The following THSD7B variants were observed in gnomAD, a reference collection of about 807,000 sequenced individuals.
THSD7B encodes the protein thrombospondin type-1 domain-containing protein 7B.
Under a neutral mutation model 213.6 loss-of-function variants are expected in THSD7B, and 138 were observed. That is an observed-to-expected ratio of 0.65 (90% confidence interval 0.56 to 0.74). The LOEUF is 0.74. Among genes scored for constraint, THSD7B ranks in the 30% least tolerant of loss-of-function variants. THSD7B has a pLI of 0.00. For synonymous variants in THSD7B, 742 were observed against 687.0 expected (o/e 1.08, Z -1.25); for missense variants, 1,931 against 1,991.5 (o/e 0.97, Z 0.58).
chr2:137,663,554 T>G lies in THSD7B; in HGVS notation c.4630T>G (p.Ser1544Ala), dbSNP rs756086069. ...SKIHDIFKGW[S>A]LQPLDPDGRV... is the part of the protein sequence containing the mutation. ...AATACATGATATTTTTAAAGGATGG[T>G]CTCTTCAACCACTTGATCCAGGTGA... Residue 1544 changes from serine to alanine, a missense_variant, in exon 26 of 28, where the codon TCT becomes GCT. By Grantham distance (99) the Ser-to-Ala change is moderately conservative. Coordinates refer to ENST00000409968, the MANE Select transcript of THSD7B (RefSeq NM_001316349.2). 14 of 1,608,002 alleles carry G rather than the reference T, an allele frequency of 8.7e-6. No homozygotes were observed. Among genetic ancestry groups the G allele is most frequent in the Non-Finnish European group, 1.0e-5 (12 of 1,176,960 alleles).
intron 12 of THSD7B, among the ~76,000 whole-genome samples, chr2:137,301,960 C>T (rs1289576862): frequency 6.6e-6 from 1 of 152,022 alleles, no homozygotes; most frequent in Non-Finnish European, 1.5e-5. Context: ...AGAGACTATA[C>T]TTGAAAAGAC....
intron 3 of THSD7B, among the ~76,000 whole-genome samples, chr2:137,088,257 A>T (rs963483481): frequency 6.6e-6 from 1 of 151,958 alleles, no homozygotes; most frequent in Admixed American, 6.6e-5. Flanking sequence ...TAAAAAAAAA[A>T]TAAAATTAAA....
intron 5 of THSD7B, among the ~76,000 whole-genome samples, chr2:137,148,897 A>C (rs2104972357): frequency 6.6e-6 from 1 of 152,346 alleles, no homozygotes; most frequent in East Asian, 1.9e-4. Context: ...GGCTGCAGAA[A>C]TTTGCATAAA....
chr2:137,673,206 T>C (rs1683617142), intron 27 of THSD7B, among the ~76,000 whole-genome samples: 2 of 152,242 alleles, frequency 1.3e-5, no homozygotes, highest in African/African-American at 4.8e-5. Flanking sequence ...AGCTCACTTT[T>C]CTGGCTTAAT....
chr2:137,436,625 T>C (rs1157725221), intron 14 of THSD7B, among the ~76,000 whole-genome samples: 1 of 152,132 alleles, frequency 6.6e-6, no homozygotes, highest in Admixed American at 6.5e-5. Context: ...TTCTTGGCCA[T>C]TCAACTGATA....
intron 2 of THSD7B, among the ~76,000 whole-genome samples, chr2:136,971,639 T>TACACACACACACAC (rs6146927): frequency 0.024 from 3,298 of 135,280 alleles, 92 homozygotes; most frequent in South Asian, 0.041. Flanking sequence ...CAACAACAAA[T>TACACACACACACAC]ACACACACAC....
chr2:137,456,171 C>T (rs897721105), intron 15 of THSD7B, among the ~76,000 whole-genome samples: 1 of 151,890 alleles, frequency 6.6e-6, no homozygotes, highest in Non-Finnish European at 1.5e-5. Context: ...GTGTCTTCTC[C>T]CCAAAGAGAG....
chr2:137,588,805 G>A (rs769979213), intron 17 of THSD7B, among the ~76,000 whole-genome samples: 13 of 144,872 alleles, frequency 9.0e-5, no homozygotes, highest in Non-Finnish European at 1.7e-4. Context: ...TATTTTTCGA[G>A]ATGGAGTTTT....
At chr2:136,816,477 G>A (rs74409225) in intron 1 of THSD7B, among the ~76,000 whole-genome samples, 5,131 of 152,148 alleles carry the variant, frequency 0.034, 279 homozygotes, top group African/African-American at 0.11. Flanking sequence ...AGCTGCATAG[G>A]GTTCCATTGC....
intron 1 of THSD7B, among the ~76,000 whole-genome samples, chr2:136,838,631 C>T (rs988802195): frequency 6.6e-6 from 1 of 152,136 alleles, no homozygotes; most frequent in African/African-American, 2.4e-5. Context: ...CTTCCCCATC[C>T]TCCCTTTCAA....
At chr2:137,507,806 C>T (rs1220451020) in intron 15 of THSD7B, among the ~76,000 whole-genome samples, 1 of 150,452 alleles carries the variant, frequency 6.6e-6, no homozygotes, top group Non-Finnish European at 1.5e-5. Flanking sequence ...TTCATTCTTC[C>T]TTTTCTGTTT....
intron 20 of THSD7B, among the ~76,000 whole-genome samples, chr2:137,641,271 A>G (rs1682932566): frequency 6.6e-6 from 1 of 152,024 alleles, no homozygotes; most frequent in South Asian, 2.1e-4. Context: ...GATCCTTTGC[A>G]CCTCACCATC....
At chr2:137,672,304 T>G (rs2104831720) in intron 27 of THSD7B, among the ~76,000 whole-genome samples, 1 of 152,324 alleles carries the variant, frequency 6.6e-6, no homozygotes, top group South Asian at 2.1e-4. Context: ...ATAACTTTTC[T>G]GAGGTCACCA....
chr2:137,290,099 C>A (rs1683289109), intron 12 of THSD7B, among the ~76,000 whole-genome samples: 2 of 150,162 alleles, frequency 1.3e-5, no homozygotes, highest in Admixed American at 1.3e-4. Flanking sequence ...TTTTCAGCCC[C>A]AAAGAGTTTT....
chr2:137,676,586 A>G lies in THSD7B; in HGVS notation c.4802A>G (p.Asp1601Gly). The G allele has an allele frequency of 3.1e-6, 5 of 1,589,422 alleles. No homozygotes were observed. Among genetic ancestry groups the G allele is most frequent in the Admixed American group, 1.8e-5 (1 of 54,918 alleles). Residue 1601 changes from aspartate to glycine, a missense_variant, in exon 28 of 28, where the codon GAT becomes GGT. Transcript: ENST00000409968. The part of the protein sequence containing the change: ...PQQKPLTLAY[D>G]GDLDM ...CAGAAGCCTCTGACCTTAGCCTACG[A>G]TGGAGACTTAGACATGTAATCTGAA...
intron 12 of THSD7B, among the ~76,000 whole-genome samples, chr2:137,282,461 A>G (rs1323369082): frequency 2.0e-5 from 3 of 152,246 alleles, no homozygotes; most frequent in South Asian, 2.1e-4. Context: ...TTGGTGTTTT[A>G]GACATGAAGT....
intron 12 of THSD7B, among the ~76,000 whole-genome samples, chr2:137,381,623 A>C (rs1356966058): frequency 6.6e-6 from 1 of 152,208 alleles, no homozygotes; most frequent in Non-Finnish European, 1.5e-5. Context: ...GGGCCTCCCC[A>C]GTGAGAGAAA....
chr2:137,165,117 C>A (rs1384498494), intron 6 of THSD7B, among the ~76,000 whole-genome samples: 3 of 152,128 alleles, frequency 2.0e-5, no homozygotes, highest in Non-Finnish European at 2.9e-5. Context: ...GTCCCCACAG[C>A]CTCCTGCAGA....
At chr2:137,266,537 G>C (rs1290650562) in intron 10 of THSD7B, among the ~76,000 whole-genome samples, 4 of 152,162 alleles carry the variant, frequency 2.6e-5, no homozygotes, top group Admixed American at 2.6e-4. Flanking sequence ...GGAGTTAAAA[G>C]GTGGTAAGCC....
Sources: allele counts gnomAD v4.1 joint callset (sites outside exome capture counted in the v4.1 genomes callset), GRCh38; gene constraint gnomAD v4.1.1; transcripts MANE v1.5; gene names NCBI Gene and HGNC (gene_info 2026-07-23, HGNC 2026-07-21).